Variants in NDFIP2 observed in about 807,000 individuals in gnomAD.
The protein encoded by NDFIP2 is Nedd4 family interacting protein 2.
In NDFIP2, 19 loss-of-function variants were observed where a neutral mutation model predicts 36.0. The observed-to-expected ratio is 0.53, with a 90% CI of 0.37 to 0.77. NDFIP2 has a LOEUF of 0.77. Among genes scored for constraint, NDFIP2 ranks in the 30% least tolerant of loss-of-function variants. The probability of loss-of-function intolerance (pLI) is 0.00; values close to 1 mark genes in which losing one functional copy is unlikely to be tolerated. For synonymous variants in NDFIP2, 181 were observed against 167.7 expected, an observed-to-expected ratio of 1.08 and a Z score of -0.61; for missense variants, 446 against 435.8, an observed-to-expected ratio of 1.02 and a Z score of -0.21.
At chr13:79,509,690 T>TAGAGAGAGAGAG (rs71106101) in intron 1 of NDFIP2, among the ~76,000 whole-genome samples, 7 of 147,920 alleles carry the variant, frequency 4.7e-5, no homozygotes, top group African/African-American at 1.0e-4. Context: ...TATATATATA[T>TAGAGAGAGAGAG]AGAGAGAGAG....
chr13:79,497,961 A>C (rs1873511374), intron 1 of NDFIP2, among the ~76,000 whole-genome samples: 1 of 151,726 alleles, frequency 6.6e-6, no homozygotes, highest in Admixed American at 6.6e-5. Flanking sequence ...TAGGTAAAGG[A>C]TAATAGTGGC....
chr13:79,539,065 GAC>G (rs1555358441), intron 3 of NDFIP2, among the ~76,000 whole-genome samples: 2 of 135,224 alleles, frequency 1.5e-5, no homozygotes, highest in African/African-American at 2.5e-5. Flanking sequence ...CTACCTGGAA[GAC>G]ATGTAGAAAC....
chr13:79,539,875 T>A, intron 4 of NDFIP2, 100 bp downstream of exon 4: 1 of 886,566 alleles, frequency 1.1e-6, no homozygotes, highest in Non-Finnish European at 1.8e-6. Flanking sequence ...TTAGCATATG[T>A]CTACCTTTCT....
At chr13:79,485,577 T>A (rs1451502223) in intron 1 of NDFIP2, among the ~76,000 whole-genome samples, 2 of 152,220 alleles carry the variant, frequency 1.3e-5, no homozygotes, top group Non-Finnish European at 2.9e-5. Context: ...TCGTCTCTTG[T>A]TTGTTTCTTT....
intron 1 of NDFIP2, among the ~76,000 whole-genome samples, chr13:79,493,448 T>C (rs1011128943): frequency 1.1e-4 from 17 of 152,166 alleles, no homozygotes; most frequent in African/African-American, 3.9e-4. Flanking sequence ...TTGTAACCAG[T>C]GGCTTGCATT....
At chr13:79,487,669 A>C (rs576264095) in intron 1 of NDFIP2, among the ~76,000 whole-genome samples, 3 of 152,154 alleles carry the variant, frequency 2.0e-5, no homozygotes, top group Non-Finnish European at 4.4e-5. Context: ...TCAATGTATG[A>C]AGTTTTGGTT....
chr13:79,539,455 T>C (rs1398433262), intron 3 of NDFIP2, among the ~76,000 whole-genome samples: 3 of 152,222 alleles, frequency 2.0e-5, no homozygotes, highest in Non-Finnish European at 4.4e-5. Context: ...TATTCATCTT[T>C]TATCTTTTTT....
intron 2 of NDFIP2, among the ~76,000 whole-genome samples, chr13:79,529,350 C>G (rs1218644255): frequency 6.6e-6 from 1 of 151,504 alleles, no homozygotes; most frequent in Non-Finnish European, 1.5e-5. Flanking sequence ...TTTTTTCTAT[C>G]TTGAGTATTA....
At chr13:79,542,084 G>C (rs1875475621) in intron 4 of NDFIP2, among the ~76,000 whole-genome samples, 1 of 152,066 alleles carries the variant, frequency 6.6e-6, no homozygotes, top group South Asian at 2.1e-4. Context: ...AACAGAATTT[G>C]GTTATTTGCC....
intron 3 of NDFIP2, among the ~76,000 whole-genome samples, chr13:79,534,668 C>T (rs900411237): frequency 2.0e-5 from 3 of 152,000 alleles, no homozygotes; most frequent in South Asian, 2.1e-4. Context: ...CCTGGATTCA[C>T]CCCATTTTGT....
chr13:79,510,297 T>G (rs975709125), intron 1 of NDFIP2, among the ~76,000 whole-genome samples: 1 of 152,132 alleles, frequency 6.6e-6, no homozygotes, highest in Non-Finnish European at 1.5e-5. Context: ...ATTAAAAGTA[T>G]TAGGCAGTTA....
intron 1 of NDFIP2, among the ~76,000 whole-genome samples, chr13:79,517,523 G>A (rs538284944): frequency 4.6e-5 from 7 of 152,168 alleles, no homozygotes; most frequent in African/African-American, 9.6e-5. Context: ...TTTTATTGCC[G>A]GCAAAGATAT....
intron 1 of NDFIP2, among the ~76,000 whole-genome samples, chr13:79,513,497 T>C (rs912053922): frequency 6.6e-6 from 1 of 152,204 alleles, no homozygotes; most frequent in African/African-American, 2.4e-5. Flanking sequence ...CATCCCATGA[T>C]GAAACATATA....
At chr13:79,493,597 G>A (rs971862237) in intron 1 of NDFIP2, among the ~76,000 whole-genome samples, 3 of 152,214 alleles carry the variant, frequency 2.0e-5, no homozygotes, top group East Asian at 1.9e-4. Context: ...AAGACTATCC[G>A]AGGGAGGTTC....
chr13:79,501,958 G>A (rs531908972), intron 1 of NDFIP2, among the ~76,000 whole-genome samples: 2 of 152,048 alleles, frequency 1.3e-5, no homozygotes, highest in African/African-American at 4.8e-5. Context: ...ACTTACTATG[G>A]CCTTGCCTCA....
intron 1 of NDFIP2, among the ~76,000 whole-genome samples, chr13:79,492,479 T>G (rs1873272098): frequency 1.3e-5 from 2 of 152,090 alleles, no homozygotes; most frequent in Non-Finnish European, 2.9e-5. Flanking sequence ...ATCACAGCAC[T>G]GCAGCCCTAA....
chr13:79,534,441 A>G (rs1342512523), intron 3 of NDFIP2, among the ~76,000 whole-genome samples: 1 of 124,634 alleles, frequency 8.0e-6, no homozygotes, highest in African/African-American at 3.1e-5. Context: ...TACATGTTTT[A>G]GTAATGGAGT....
chr13:79,540,795 G>A lies in NDFIP2; in HGVS notation c.715+1020G>A, dbSNP rs979149181. Among the ~76,000 whole-genome samples, 3 of 152,258 alleles carry A rather than the reference G, an allele frequency of 2.0e-5. No individual in the cohort carries two copies. In the East Asian group the frequency reaches 5.8e-4, roughly 29 times the overall value. On this transcript the variant is annotated intron_variant, in intron 4 of 7. Coordinates refer to ENST00000218652, the MANE Select transcript of NDFIP2 (RefSeq NM_019080.3). ...GAAGAAAAGACGGGGAGGGGAATGA[G>A]CAAGGAGGGCAGACAGCTCCTCAAA...
intron 1 of NDFIP2, among the ~76,000 whole-genome samples, chr13:79,500,671 TTC>T (rs1873631150): frequency 6.6e-6 from 1 of 152,074 alleles, no homozygotes; most frequent in Non-Finnish European, 1.5e-5. Flanking sequence ...CAACAGATTC[TTC>T]TGAGGATGTG....
Sources: allele counts gnomAD v4.1 joint callset (sites outside exome capture counted in the v4.1 genomes callset), GRCh38; gene constraint gnomAD v4.1.1; transcripts MANE v1.5; gene names NCBI Gene and HGNC (gene_info 2026-07-23, HGNC 2026-07-21).